MYH9: variants seen among roughly 807,000 people sequenced by gnomAD.
MYH9 encodes myosin-9.
MYH9 carries 29 observed loss-of-function variants against 241.9 expected under a neutral mutation model. That is an observed-to-expected ratio of 0.12 (90% confidence interval 0.09 to 0.16). The LOEUF (loss-of-function observed/expected upper bound fraction) is 0.16, where lower values mean the gene tolerates loss of function less well. Ranked by LOEUF, MYH9 falls within the 10% of genes least tolerant of loss-of-function variation. The pLI is 1.00. For missense variants in MYH9, 1,803 were observed against 2,595.5 expected (o/e 0.69, Z 6.63); for synonymous variants, 1,047 against 1,062.6 (o/e 0.99, Z 0.29).
chr22:36,324,066 C>G (rs1403818996), intron 5 of MYH9, among the ~76,000 whole-genome samples: 2 of 152,256 alleles, frequency 1.3e-5, no homozygotes, highest in African/African-American at 2.4e-5. Context: ...CTGGCTGAAC[C>G]GCTCCCATTC....
At chr22:36,380,251 A>G (rs1194146903) in intron 1 of MYH9, among the ~76,000 whole-genome samples, 3 of 152,170 alleles carry the variant, frequency 2.0e-5, no homozygotes, top group South Asian at 2.1e-4. Context: ...CACACCATCC[A>G]AGGCGAAAGA....
chr22:36,284,072 C>T (rs555213466), intron 40 of MYH9, 21 bp downstream of exon 40: 41 of 517,538 alleles, frequency 7.9e-5, no homozygotes, highest in Middle Eastern at 3.2e-4. Flanking sequence ...GGCAAAGGGG[C>T]GGGTGGGCAG....
chr22:36,320,388 G>A lies in MYH9; in HGVS notation c.869-25C>T, dbSNP rs3752464. ...GCTGTAAGGGGTGGAGGGCAAGGGC[G>A]CCTCAGCGAGGTGCTGAAAGTGGAG... On this transcript the variant is annotated intron_variant, in intron 8 of 40. Coordinates refer to ENST00000216181, the MANE Select transcript of MYH9 (RefSeq NM_002473.6). This position sits in a 1 kb window ranked among gnomAD's most constrained non-coding sequence, Gnocchi z 4.8. 306 of 1,610,580 alleles carry A rather than the reference G, an allele frequency of 1.9e-4. 2 individuals are homozygous for A. In the East Asian group the frequency reaches 4.3e-3, roughly 23 times the overall value.
Position 36,316,543 on chromosome 22 carries a change from C to G in MYH9, c.1354G>C (p.Asp452His). ...RQGASFIGIL[D>H]IAGFEIFDLN... ...TCAAAGATCTCGAAGCCGGCAATGTCCAGGATCCCGATGAAGGAGGCGCCC... is the reference window on the plus strand; with the variant it reads ...TCAAAGATCTCGAAGCCGGCAATGTGCAGGATCCCGATGAAGGAGGCGCCC... The change falls in exon 12 of 41, where the codon GAC becomes CAC. Residue 452 changes from aspartate to histidine, a missense_variant. Physicochemically the swap from Asp to His is moderately conservative, Grantham distance 81. Coordinates refer to ENST00000216181, the MANE Select transcript of MYH9 (RefSeq NM_002473.6). 6.2e-7 allele frequency: 1 copy of G among 1,614,068 alleles called. No homozygotes were observed.
intron 13 of MYH9, 63 bp downstream of exon 13, chr22:36,314,082 G>A: frequency 1.3e-6 from 2 of 1,554,498 alleles, no homozygotes; most frequent in South Asian, 2.2e-5. Context: ...GAGGTGAGGA[G>A]CGGGTGCCCC....
At chr22:36,354,272 G>C (rs1388011434) in intron 1 of MYH9, among the ~76,000 whole-genome samples, 1 of 151,942 alleles carries the variant, frequency 6.6e-6, no homozygotes, top group East Asian at 1.9e-4. Context: ...CTGAGAGAAA[G>C]TAACTCTACT....
intron 24 of MYH9, among the ~76,000 whole-genome samples, chr22:36,297,817 G>A (rs574370185): frequency 3.3e-5 from 5 of 152,326 alleles, no homozygotes; most frequent in Middle Eastern, 3.4e-3. Flanking sequence ...CGGATGGAAC[G>A]GCCAGGTCAC....
Position 36,286,846 on chromosome 22 carries a change from C to T in MYH9, c.4933G>A (p.Ala1645Thr). ...EAIKQLRKLQ[A>T]QMKDCMRELD... ...TCGCGCATGCAGTCCTTCATCTGGG[C>T]CTGGGGTGGGGACAGAGGCTTGGCA... Residue 1645 changes from alanine to threonine, a missense_variant and splice_region_variant, in exon 35 of 41, where the codon GCC (alanine) becomes ACC (threonine). By Grantham distance (58) the Ala-to-Thr change is moderately conservative (BLOSUM62 0). Coordinates refer to ENST00000216181, the MANE Select transcript of MYH9 (RefSeq NM_002473.6). 6.2e-7 allele frequency: 1 copy of T among 1,606,762 alleles called. No individual in the cohort carries two copies. The highest frequency in any genetic ancestry group is 8.5e-7 in the Non-Finnish European group (1 of 1,179,990).
Position 36,288,233 on chromosome 22 carries a change from G to C in MYH9, c.4932+19C>G. ...AGTCGGGTGCCGCCCACCCTCACCT[G>C]GGCCCCGCCCACCCTTACCTGCAGC... is the stretch of plus-strand genomic sequence containing the variant. On this transcript the variant is annotated intron_variant, in intron 34 of 40. Transcript: ENST00000216181. This position sits in a 1 kb window ranked among gnomAD's most constrained non-coding sequence, Gnocchi z 4.8. The C allele has an allele frequency of 6.2e-7, 1 of 1,613,044 alleles. No individual in the cohort carries two copies. Among genetic ancestry groups the C allele is most frequent in the South Asian group, 1.1e-5 (1 of 91,052 alleles).
chr22:36,304,894 G>A (rs1283272330), intron 18 of MYH9, 139 bp downstream of exon 18: 1 of 863,550 alleles, frequency 1.2e-6, no homozygotes, highest in Non-Finnish European at 1.9e-6. Context: ...GCCCGGCAGA[G>A]TCAGACGCGG....
intron 3 of MYH9, among the ~76,000 whole-genome samples, chr22:36,327,777 G>A (rs533039190): frequency 9.9e-5 from 15 of 152,240 alleles, no homozygotes; most frequent in Non-Finnish European, 1.8e-4. Context: ...AGGAACTAGT[G>A]TGTGGAAAAC....
rs2016487629 is a variant in MYH9, at chr22:36,281,497, T to C, written c.*1171A>G. Reference sequence around the variant, plus strand: ...TTATATCACTTCATGATTTGAGAGTTTGTTTCCTTTAAAAAAAAAAAATGC... The same window carrying C: ...TTATATCACTTCATGATTTGAGAGTCTGTTTCCTTTAAAAAAAAAAAATGC... On this transcript the variant is annotated 3_prime_UTR_variant, in exon 41 of 41. Transcript: ENST00000216181. 1 of 224,896 alleles carries C rather than the reference T, an allele frequency of 4.4e-6. No individual in the cohort carries two copies. The allele number at this position is 224,896 out of a possible 1,614,324, so 13.9% of individuals were successfully genotyped here.
chr22:36,365,650 G>A (rs561165398), intron 1 of MYH9, among the ~76,000 whole-genome samples: 59 of 151,910 alleles, frequency 3.9e-4, no homozygotes, highest in African/African-American at 1.3e-3. Context: ...TAGCAGAGAC[G>A]GAGTTTCACC....
At chr22:36,361,049 C>G (rs1260402796) in intron 1 of MYH9, among the ~76,000 whole-genome samples, 1 of 152,188 alleles carries the variant, frequency 6.6e-6, no homozygotes, top group Non-Finnish European at 1.5e-5. Context: ...TCACCCAGGG[C>G]TAATAACCTA....
At chr22:36,303,696 A>C (rs982554319) in intron 19 of MYH9, among the ~76,000 whole-genome samples, 3 of 151,690 alleles carry the variant, frequency 2.0e-5, no homozygotes, top group Non-Finnish European at 4.4e-5. Flanking sequence ...GAGGCAGGAG[A>C]ATCACTTGAA....
rs200550959 is a variant in MYH9, at chr22:36,300,881, C to T, written c.2808G>A (p.Ala936=). The T allele has an allele frequency of 1.0e-4, 162 of 1,604,032 alleles. No individual in the cohort carries two copies. The East Asian group carries it at 1.8e-3, about 17-fold the overall frequency. ...EEEERCQHLQ[A]EKKKMQQNIQ... ...TGTTCTGCTGCATCTTCTTCTTCTC[C>T]GCCTGCAGGTGCTGGCAGCGCTCCT... The change falls in exon 22 of 41, where the codon GCG becomes GCA. Residue 936 remains alanine, a synonymous_variant. Coordinates refer to ENST00000216181, the MANE Select transcript of MYH9 (RefSeq NM_002473.6). The surrounding 1 kb of genome is among the most constrained non-coding windows in gnomAD (Gnocchi z 5.0).
chr22:36,369,427 C>T (rs1006277040), intron 1 of MYH9, among the ~76,000 whole-genome samples: 5 of 152,194 alleles, frequency 3.3e-5, no homozygotes, highest in Non-Finnish European at 5.9e-5. Context: ...GGCGGCAGGC[C>T]GGCTCTGGGC....
Position 36,288,545 on chromosome 22 carries a change from C to A in MYH9, c.4771-132G>T. 1 of 1,369,492 alleles carries A rather than the reference C, an allele frequency of 7.3e-7. No individual in the cohort carries two copies. Among genetic ancestry groups the A allele is most frequent in the Non-Finnish European group, 1.0e-6 (1 of 975,538 alleles). The allele number at this position is 1,369,492 out of a possible 1,614,324, so 84.8% of individuals were successfully genotyped here. ...TCGGGAAACCAGTGGGGATTACTGACCATAAGAACTCTAAGAAAGTGAGTC... is the reference window on the plus strand; with the variant it reads ...TCGGGAAACCAGTGGGGATTACTGAACATAAGAACTCTAAGAAAGTGAGTC... On this transcript the variant is annotated intron_variant, in intron 33 of 40. Coordinates refer to ENST00000216181, the MANE Select transcript of MYH9 (RefSeq NM_002473.6). The surrounding 1 kb of genome is among the most constrained non-coding windows in gnomAD (Gnocchi z 4.8).
Position 36,285,426 on chromosome 22 carries a change from C to A in MYH9, c.5275-97G>T. 6.4e-6 allele frequency: 9 copies of A among 1,406,110 alleles called. No individual in the cohort carries two copies. The South Asian group carries it at 1.0e-4, about 16-fold the overall frequency. 87.1% of individuals were successfully genotyped at this position (1,406,110 alleles called of 1,614,324 possible). A position where few individuals can be genotyped will look rare whatever the true frequency, so the allele number is the denominator to read the frequency against. ...AAGGTGGCAGCAGGATCCCACCAAA[C>A]CCTTGGGGTCCAGAGTCTTGGGTCT... On this transcript the variant is annotated intron_variant, in intron 37 of 40. Coordinates refer to ENST00000216181, the MANE Select transcript of MYH9 (RefSeq NM_002473.6). This position sits in a 1 kb window ranked among gnomAD's most constrained non-coding sequence, Gnocchi z 7.0.
Sources: gnomAD v4.1 joint callset for allele counts (sites outside exome capture counted in the v4.1 genomes callset) on GRCh38, gnomAD v4.1.1 for gene constraint, Gnocchi (gnomAD v3.1) non-coding constraint, MANE v1.5 for transcripts, NCBI Gene and HGNC (gene_info 2026-07-23, HGNC 2026-07-21) for gene names.